PITPNC1: variants seen among roughly 807,000 people sequenced by gnomAD.
PITPNC1 encodes cytoplasmic phosphatidylinositol transfer protein 1.
In PITPNC1, 18 loss-of-function variants were observed where a neutral mutation model predicts 44.7. The observed-to-expected ratio is 0.40, with a 90% CI of 0.28 to 0.60. The LOEUF is 0.60. Among genes scored for constraint, PITPNC1 ranks in the 20% least tolerant of loss-of-function variants. The pLI is 0.39. For synonymous variants in PITPNC1, 141 were observed against 149.6 expected, an observed-to-expected ratio of 0.94 and a Z score of 0.42; for missense variants, 290 against 418.4, an observed-to-expected ratio of 0.69 and a Z score of 2.68.
chr17:67,569,390 T>G (rs1334616138), intron 4 of PITPNC1, among the ~76,000 whole-genome samples: 1 of 152,234 alleles, frequency 6.6e-6, no homozygotes, highest in Non-Finnish European at 1.5e-5. Flanking sequence ...AAATTATTCT[T>G]GCAGAGACCC....
intron 1 of PITPNC1, among the ~76,000 whole-genome samples, chr17:67,498,743 G>A (rs1023764570): frequency 2.6e-5 from 4 of 151,928 alleles, no homozygotes; most frequent in African/African-American, 9.7e-5. Flanking sequence ...CCTTCCTAAC[G>A]AGTGTGAGGT....
chr17:67,502,084 A>G (rs951316008), intron 1 of PITPNC1, among the ~76,000 whole-genome samples: 4 of 152,226 alleles, frequency 2.6e-5, no homozygotes, highest in Non-Finnish European at 5.9e-5. Flanking sequence ...TTCACGTTGT[A>G]GTTGAAGCAC....
chr17:67,401,298 T>C (rs1210404697), intron 1 of PITPNC1, among the ~76,000 whole-genome samples: 2 of 152,142 alleles, frequency 1.3e-5, no homozygotes, highest in Non-Finnish European at 2.9e-5. Flanking sequence ...TTAAACTTCC[T>C]ACCCACTTAA....
At chr17:67,627,411 T>C (rs888300406) in intron 5 of PITPNC1, among the ~76,000 whole-genome samples, 3 of 152,210 alleles carry the variant, frequency 2.0e-5, no homozygotes, top group Non-Finnish European at 4.4e-5. Context: ...TGCTATTCCA[T>C]GGACTTTGGC....
chr17:67,556,625 A>T (rs749984316), intron 4 of PITPNC1, among the ~76,000 whole-genome samples: 2 of 152,192 alleles, frequency 1.3e-5, no homozygotes, highest in African/African-American at 2.4e-5. Flanking sequence ...GACATGCCAT[A>T]GGAACTCTAA....
At chr17:67,682,252 C>T (rs1363802123) in intron 8 of PITPNC1, among the ~76,000 whole-genome samples, 1 of 152,048 alleles carries the variant, frequency 6.6e-6, no homozygotes, top group Non-Finnish European at 1.5e-5. Context: ...ACATGTACAA[C>T]AAGTACAAAG....
At position 67,504,313 on chromosome 17, in the gene PITPNC1, A is replaced by G. The variant is rs550488812; in HGVS notation, c.49-28489A>G. Among the ~76,000 whole-genome samples the G allele has an allele frequency of 1.5e-3, 226 of 152,316 alleles. 1 individual carries two copies. Among genetic ancestry groups the G allele is most frequent in the African/African-American group, 5.3e-3 (220 of 41,552 alleles). ...TGAAGTCTAGAGCAAATGAAAATAC[A>G]ACAACACTGTGTAAACAAAACACAC... On this transcript the variant is annotated intron_variant, in intron 1 of 8. Coordinates refer to ENST00000581322, the MANE Select transcript of PITPNC1 (RefSeq NM_012417.4).
chr17:67,616,174 C>T (rs1324506970), intron 5 of PITPNC1, among the ~76,000 whole-genome samples: 1 of 152,020 alleles, frequency 6.6e-6, no homozygotes, highest in Non-Finnish European at 1.5e-5. Flanking sequence ...GAGTTTCATT[C>T]TTGTCGCCCA....
At chr17:67,473,194 A>G (rs1050354540) in intron 1 of PITPNC1, among the ~76,000 whole-genome samples, 1 of 150,588 alleles carries the variant, frequency 6.6e-6, no homozygotes, top group African/African-American at 2.4e-5. Flanking sequence ...TATTTTTATT[A>G]TTTTAAAAGT....
chr17:67,567,163 T>G (rs2040990797), intron 4 of PITPNC1, among the ~76,000 whole-genome samples: 4 of 152,142 alleles, frequency 2.6e-5, no homozygotes, highest in Admixed American at 2.6e-4. Flanking sequence ...TGGATTGTCA[T>G]TTTGACCCAG....
At chr17:67,415,812 T>C (rs3803803) in intron 1 of PITPNC1, among the ~76,000 whole-genome samples, 12,251 of 152,168 alleles carry the variant, frequency 0.081, 615 homozygotes, top group East Asian at 0.16. Context: ...GTCTAGATGA[T>C]TTGGTCAACA....
intron 8 of PITPNC1, among the ~76,000 whole-genome samples, chr17:67,686,663 C>G (rs1324556802): frequency 6.6e-6 from 1 of 152,110 alleles, no homozygotes; most frequent in Non-Finnish European, 1.5e-5. Flanking sequence ...TTTAAACAAC[C>G]TCTAAATCTA....
At chr17:67,654,927 C>T (rs1003914268) in intron 6 of PITPNC1, among the ~76,000 whole-genome samples, 4 of 152,168 alleles carry the variant, frequency 2.6e-5, no homozygotes, top group African/African-American at 7.2e-5. Flanking sequence ...GCCACCACGC[C>T]TGGCCAGGAG....
intron 1 of PITPNC1, among the ~76,000 whole-genome samples, chr17:67,478,389 C>G (rs938155118): frequency 6.6e-6 from 1 of 152,152 alleles, no homozygotes; most frequent in African/African-American, 2.4e-5. Flanking sequence ...TTTTGGGTAG[C>G]GCCTAAAAGA....
chr17:67,408,565 A>G lies in PITPNC1; in HGVS notation c.48+30363A>G, dbSNP rs559929336. ...AAAAAAAAGTTTTTTGATGAAGTTC[A>G]GTGTTTCCCTTCCCTTTCCCTTTCC... On this transcript the variant is annotated intron_variant, in intron 1 of 8. Coordinates refer to ENST00000581322, the MANE Select transcript of PITPNC1 (RefSeq NM_012417.4). Among the ~76,000 whole-genome samples, 4 of 152,044 alleles carry G rather than the reference A, an allele frequency of 2.6e-5. No individual in the cohort carries two copies. The South Asian group carries it at 8.3e-4, about 32-fold the overall frequency.
chr17:67,521,216 T>G (rs569294720), intron 1 of PITPNC1, among the ~76,000 whole-genome samples: 1 of 152,208 alleles, frequency 6.6e-6, no homozygotes, highest in Non-Finnish European at 1.5e-5. Flanking sequence ...TCTATTCAGT[T>G]CAGTCCAGAA....
chr17:67,547,788 TA>T (rs1405653961), intron 2 of PITPNC1, among the ~76,000 whole-genome samples: 2 of 152,168 alleles, frequency 1.3e-5, no homozygotes, highest in Admixed American at 6.5e-5. Flanking sequence ...ATGAAGTAGG[TA>T]AACACCCATA....
chr17:67,499,648 C>T lies in PITPNC1; in HGVS notation c.49-33154C>T, dbSNP rs146830736. On this transcript the variant is annotated intron_variant, in intron 1 of 8. Transcript: ENST00000581322. ...AACAATATTTCAGTCAAGGAAAGATCGCATATATGATGGTGGTCTTATGAG... is the reference window on the plus strand; with the variant it reads ...AACAATATTTCAGTCAAGGAAAGATTGCATATATGATGGTGGTCTTATGAG... Among the ~76,000 whole-genome samples the T allele has an allele frequency of 2.3e-4, 35 of 152,306 alleles. No homozygotes were observed. In the East Asian group the frequency reaches 4.2e-3, roughly 18 times the overall value.
chr17:67,438,663 T>C (rs1459764700), intron 1 of PITPNC1, among the ~76,000 whole-genome samples: 1 of 152,244 alleles, frequency 6.6e-6, no homozygotes, highest in East Asian at 1.9e-4. Context: ...TTTTAGAATA[T>C]GATCTTTTAC....
Sources: allele counts gnomAD v4.1 joint callset (sites outside exome capture counted in the v4.1 genomes callset), GRCh38; gene constraint gnomAD v4.1.1; transcripts MANE v1.5; gene names NCBI Gene and HGNC (gene_info 2026-07-23, HGNC 2026-07-21).